ACAA2: variants seen among roughly 807,000 people sequenced by gnomAD.
The protein encoded by ACAA2 is acetyl-CoA acyltransferase 2.
In ACAA2, 35 loss-of-function variants were observed where a neutral mutation model predicts 44.8. The ratio of observed to expected loss-of-function variants is 0.78; its 90% confidence interval spans 0.60 to 1.04. ACAA2 has a LOEUF of 1.04. Ranked by LOEUF, ACAA2 falls within the 50% of genes least tolerant of loss-of-function variation. ACAA2 has a pLI of 0.00. For synonymous variants in ACAA2, 142 were observed against 166.5 expected, an observed-to-expected ratio of 0.85 and a Z score of 1.13; for missense variants, 468 against 482.6, an observed-to-expected ratio of 0.97 and a Z score of 0.28.
chr18:49,810,413 C>G (rs1303169343), intron 1 of ACAA2, among the ~76,000 whole-genome samples: 1 of 152,164 alleles, frequency 6.6e-6, no homozygotes, highest in South Asian at 2.1e-4. Context: ...TCATTTGTCT[C>G]TCTACAAAGT....
Position 49,796,438 on chromosome 18 carries a change from G to A in ACAA2, c.313-557C>T, listed in dbSNP as rs139778853. Reference sequence around the variant, plus strand: ...TTAAAATTATTACTAGGAAAACCGAGGTCACTATTTAAGATATATCGTTAT... The same window carrying A: ...TTAAAATTATTACTAGGAAAACCGAAGTCACTATTTAAGATATATCGTTAT... On this transcript the variant is annotated intron_variant, in intron 3 of 9. Coordinates refer to ENST00000285093, the MANE Select transcript of ACAA2 (RefSeq NM_006111.3). 1.2e-3 allele frequency among the ~76,000 whole-genome samples: 178 copies of A among 152,144 alleles called. 1 individual carries two copies. Among genetic ancestry groups the A allele is most frequent in the Middle Eastern group, 3.4e-3 (1 of 294 alleles).
rs369358960 is a variant in ACAA2 at position 49,809,800 on chromosome 18, T to C, written c.16+3669A>G. Among the ~76,000 whole-genome samples the C allele has an allele frequency of 6.2e-4, 94 of 152,330 alleles. No homozygotes were observed. The Middle Eastern group carries it at 0.014, about 22-fold the overall frequency. ...CATGACACTATAATACTGACATCGGTCATTTGCACATTTGTCAAAACCCAT... is the reference window on the plus strand; with the variant it reads ...CATGACACTATAATACTGACATCGGCCATTTGCACATTTGTCAAAACCCAT... On this transcript the variant is annotated intron_variant, in intron 1 of 9. Coordinates refer to ENST00000285093, the MANE Select transcript of ACAA2 (RefSeq NM_006111.3).
At position 49,783,735 on chromosome 18, in the gene ACAA2, T is replaced by A; in HGVS notation, c.*112A>T. 1.2e-6 allele frequency: 1 copy of A among 802,024 alleles called. No homozygotes were observed. The highest frequency in any genetic ancestry group is 1.5e-5 in the South Asian group (1 of 64,536). The allele number at this position is 802,024 out of a possible 1,614,324, so 49.7% of individuals were successfully genotyped here. On this transcript the variant is annotated 3_prime_UTR_variant, in exon 10 of 10. Transcript: ENST00000285093. ...CCATGGCTTGATCAAACTTAATCAC[T>A]GTTTCAATGGCAGGGCATGGCCAGT...
intron 5 of ACAA2, 140 bp downstream of exon 5, chr18:49,794,140 A>G: frequency 1.4e-6 from 1 of 733,466 alleles, no homozygotes; most frequent in Admixed American, 3.9e-5. Flanking sequence ...CTGATCATCT[A>G]AAGACAAAGG....
rs377139365 is a variant in ACAA2, at chr18:49,794,595, T to A, written c.430-168A>T. 9.8e-5 allele frequency among the ~76,000 whole-genome samples: 15 copies of A among 152,346 alleles called. No homozygotes were observed. The East Asian group carries it at 2.9e-3, about 29-fold the overall frequency. The stretch of plus-strand genomic sequence containing the variant: ...TGGGATATTTTTTAAAAACATGCAA[T>A]GTTTTTGAAAACATTCAATGTCACA... On this transcript the variant is annotated intron_variant, in intron 4 of 9. Transcript: ENST00000285093.
Position 49,791,511 on chromosome 18 carries a change from C to G in ACAA2, c.842G>C (p.Gly281Ala). ...GGGATCACATCCAGATACAAAGTAG[C>G]CCACAATTCTTGCCAGTGGTGTGAA... ...HNFTPLARIV[G>A]YFVSGCDPSI... The change falls in exon 7 of 10, where the codon GGC (glycine) becomes GCC (alanine). Residue 281 changes from glycine (G) to alanine (A), a missense_variant. By Grantham distance (60) the Gly-to-Ala change is moderately conservative (BLOSUM62 0). Transcript: ENST00000285093. 6.2e-7 allele frequency: 1 copy of G among 1,612,388 alleles called. No homozygotes were observed.
chr18:49,800,075 G>A (rs73436325), intron 2 of ACAA2, among the ~76,000 whole-genome samples: 87,637 of 147,246 alleles, frequency 0.6, 26,347 homozygotes, highest in Middle Eastern at 0.75. Flanking sequence ...CGCCATCCGG[G>A]AGGGAGGTGG....
chr18:49,810,190 A>T (rs1234626925), intron 1 of ACAA2, among the ~76,000 whole-genome samples: 1 of 152,216 alleles, frequency 6.6e-6, no homozygotes, highest in Non-Finnish European at 1.5e-5. Flanking sequence ...TTTGATAAAA[A>T]ACATAAATTT....
intron 2 of ACAA2, among the ~76,000 whole-genome samples, chr18:49,800,233 CCCCGCCCGG>C (rs2023527583): frequency 6.9e-6 from 1 of 145,860 alleles, no homozygotes; most frequent in Non-Finnish European, 1.5e-5. Flanking sequence ...GGGGTCAGCC[CCCCGCCCGG>C]CCAGCCGCCC....
At chr18:49,784,723 C>T (rs996575197) in intron 9 of ACAA2, among the ~76,000 whole-genome samples, 6 of 152,046 alleles carry the variant, frequency 3.9e-5, no homozygotes, top group African/African-American at 1.4e-4. Flanking sequence ...CACCAAACAC[C>T]CAAAAGGTTC....
intron 1 of ACAA2, chr18:49,813,139 T>C: frequency 3.9e-6 from 1 of 254,362 alleles, no homozygotes; most frequent in African/African-American, 2.2e-5. Flanking sequence ...CGCCGCCCCA[T>C]TTTTTCTAAT....
chr18:49,812,677 C>T (rs904599681), intron 1 of ACAA2: 1 of 152,184 alleles, frequency 6.6e-6, no homozygotes, highest in Non-Finnish European at 1.5e-5. Context: ...CATTACCCCG[C>T]TTTAAATCCC....
At chr18:49,790,759 C>CTATACATGTT (rs2023388656) in intron 7 of ACAA2, among the ~76,000 whole-genome samples, 1 of 152,174 alleles carries the variant, frequency 6.6e-6, no homozygotes, top group Non-Finnish European at 1.5e-5. Context: ...TAAGCCAAGA[C>CTATACATGTT]TATACATGTT....
intron 1 of ACAA2, among the ~76,000 whole-genome samples, chr18:49,812,326 A>C (rs562398087): frequency 6.6e-6 from 1 of 152,172 alleles, no homozygotes; most frequent in African/African-American, 2.4e-5. Flanking sequence ...TCTGCCTAAA[A>C]CTGAATTCTC....
intron 2 of ACAA2, among the ~76,000 whole-genome samples, chr18:49,799,735 T>G (rs1163763031): frequency 2.0e-5 from 3 of 146,540 alleles, no homozygotes; most frequent in Admixed American, 2.0e-4. Context: ...GTGAGGAGCG[T>G]CTCTGCCTGG....
intron 1 of ACAA2, among the ~76,000 whole-genome samples, chr18:49,804,983 C>T (rs2023596031): frequency 6.6e-6 from 1 of 152,138 alleles, no homozygotes; most frequent in East Asian, 1.9e-4. Flanking sequence ...TATCACTTTC[C>T]ACACAAAAGC....
At chr18:49,807,207 CAACATAG>C (rs1165750874) in intron 1 of ACAA2, among the ~76,000 whole-genome samples, 1 of 151,874 alleles carries the variant, frequency 6.6e-6, no homozygotes, top group Non-Finnish European at 1.5e-5. Context: ...CCAGCCTAGG[CAACATAG>C]CGAGATCCCC....
chr18:49,805,002 C>G (rs145259221), intron 1 of ACAA2, among the ~76,000 whole-genome samples: 1 of 152,176 alleles, frequency 6.6e-6, no homozygotes, highest in Non-Finnish European at 1.5e-5. Flanking sequence ...GCTAATCTTC[C>G]CAGCAACTCT....
intron 4 of ACAA2, 45 bp downstream of exon 4, chr18:49,795,720 T>G: frequency 8.3e-7 from 1 of 1,200,982 alleles, no homozygotes; most frequent in Non-Finnish European, 1.2e-6. Context: ...AGTACTTATA[T>G]AATGCTAATA....
Sources: allele counts gnomAD v4.1 joint callset (sites outside exome capture counted in the v4.1 genomes callset), GRCh38; gene constraint gnomAD v4.1.1; transcripts MANE v1.5; gene names NCBI Gene and HGNC (gene_info 2026-07-23, HGNC 2026-07-21).